NT5C3B: variants seen among roughly 807,000 people sequenced by gnomAD.
NT5C3B encodes the protein 5'-nucleotidase, cytosolic IIIB.
In NT5C3B, 28 loss-of-function variants were observed where a neutral mutation model predicts 32.5. The ratio of observed to expected loss-of-function variants is 0.86; its 90% CI spans 0.64 to 1.18. NT5C3B has a LOEUF of 1.18. NT5C3B is among the 50% of genes most tolerant of loss of function. The pLI, the probability that NT5C3B is intolerant of heterozygous loss-of-function variation, is 0.00. For synonymous variants in NT5C3B, 138 were observed against 118.0 expected (o/e 1.17, Z -1.10); for missense variants, 317 against 322.0 (o/e 0.98, Z 0.12).
intron 2 of NT5C3B, 113 bp from the exon 3 acceptor site, chr17:41,835,385 G>T: frequency 1.1e-6 from 1 of 875,472 alleles, no homozygotes. Flanking sequence ...CCAGGATGTA[G>T]GCAAAGCCCT....
At chr17:41,835,596 CGCTG>C (rs148849516) in intron 2 of NT5C3B, 68,462 of 644,354 alleles carry the variant, frequency 0.11, 4,099 homozygotes, top group Non-Finnish European at 0.12. Context: ...ACTGGGGAGC[CGCTG>C]GCTTGGGGAG....
chr17:41,830,001 T>A (rs1017404725), intron 6 of NT5C3B, among the ~76,000 whole-genome samples: 1 of 152,044 alleles, frequency 6.6e-6, no homozygotes. Context: ...AGCTAGCCAA[T>A]CTCCCCAATT....
intron 8 of NT5C3B, among the ~76,000 whole-genome samples, chr17:41,826,446 C>T (rs1250254143): frequency 6.6e-6 from 1 of 152,100 alleles, no homozygotes; most frequent in African/African-American, 2.4e-5. Context: ...TGGTCTTAAA[C>T]TCCTGGCCTC....
chr17:41,829,824 C>A (rs2048023062), intron 6 of NT5C3B, among the ~76,000 whole-genome samples: 1 of 152,136 alleles, frequency 6.6e-6, no homozygotes, highest in Admixed American at 6.6e-5. Context: ...CCTCATTCCT[C>A]TGGGGTACAT....
Position 41,835,499 on chromosome 17 carries a change from A to C in NT5C3B, c.112-227T>G. 6.0e-6 allele frequency: 4 copies of C among 663,174 alleles called. No individual in the cohort carries two copies. The South Asian group carries it at 6.5e-5, about 11-fold the overall frequency. The allele number at this position is 663,174 out of a possible 1,614,324, so 41.1% of individuals were successfully genotyped here. On this transcript the variant is annotated intron_variant, in intron 2 of 8. Transcript: ENST00000435506. ...GTCTCCTAGTGTGGGGGCAAGGGTG[A>C]ATACTCAGGACCCCTCTGACTCCTT... is the stretch of plus-strand genomic sequence containing the variant.
rs377668633 is a variant in NT5C3B at position 41,835,252 on chromosome 17, C to A, written c.132G>T (p.Met44Ile). 2.5e-6 allele frequency: 4 copies of A among 1,614,080 alleles called. No homozygotes were observed. Among genetic ancestry groups the A allele is most frequent in the Non-Finnish European group, 3.4e-6 (4 of 1,179,990 alleles). Residue 44 changes from methionine (M) to isoleucine (I), a missense_variant, in exon 3 of 9, where the codon ATG becomes ATT. By Grantham distance (10) the Met-to-Ile change is conservative (BLOSUM62 1). Coordinates refer to ENST00000435506, the MANE Select transcript of NT5C3B (RefSeq NM_052935.5). ...DRLQVISDFDMTLSRFAYNGK... is the reference protein window; with the variant it reads ...DRLQVISDFDITLSRFAYNGK... ...CATTATATGCAAACCTGCTCAAGGT[C>A]ATGTCAAAATCAGAAATCACCTATA...
rs566871682 is a variant in NT5C3B at position 41,825,405 on chromosome 17, C to T, written c.*118G>A. 40 of 692,622 alleles carry T rather than the reference C, an allele frequency of 5.8e-5. No homozygotes were observed. The highest frequency in any genetic ancestry group is 4.1e-4 in the Middle Eastern group (1 of 2,456). 42.9% of individuals were successfully genotyped at this position (692,622 alleles called of 1,614,324 possible). ...TCAGGGAAAGGAGGACGGAGGGGCGCGGAAGGACCCAGCCACTGCTGGCCA... is the reference window on the plus strand; with the variant it reads ...TCAGGGAAAGGAGGACGGAGGGGCGTGGAAGGACCCAGCCACTGCTGGCCA... On this transcript the variant is annotated 3_prime_UTR_variant, in exon 9 of 9. Coordinates refer to ENST00000435506, the MANE Select transcript of NT5C3B (RefSeq NM_052935.5).
At chr17:41,826,646 C>A (rs1249097560) in intron 8 of NT5C3B, among the ~76,000 whole-genome samples, 1 of 151,590 alleles carries the variant, frequency 6.6e-6, no homozygotes, top group Non-Finnish European at 1.5e-5. Flanking sequence ...CACTGCACTC[C>A]ACTAGGGGAC....
At chr17:41,835,364 C>T (rs2048130190) in intron 2 of NT5C3B, 92 bp from the exon 3 acceptor site, 2 of 1,082,066 alleles carry the variant, frequency 1.8e-6, no homozygotes, top group Admixed American at 3.5e-5. Context: ...GAAATCAATA[C>T]AGCTCAGTGG....
At chr17:41,827,745 T>C in intron 7 of NT5C3B, 119 bp from the exon 8 acceptor site, 1 of 654,888 alleles carries the variant, frequency 1.5e-6, no homozygotes, top group South Asian at 1.8e-5. Flanking sequence ...ATGCCAAAAC[T>C]TCACTGTAGC....
At chr17:41,829,308 C>A (rs570544577) in intron 6 of NT5C3B, among the ~76,000 whole-genome samples, 4 of 152,116 alleles carry the variant, frequency 2.6e-5, no homozygotes, top group Admixed American at 1.3e-4. Context: ...AGGCATGAGG[C>A]GAGATCGCGC....
In NT5C3B at chr17:41,825,349, G is replaced by T; in HGVS notation, c.*174C>A. ...GTGCCTGTGCCCTGCCACATGGCGGGGTTCCTTCAAGCCTCTGGTGATGAA... is the reference window on the plus strand; with the variant it reads ...GTGCCTGTGCCCTGCCACATGGCGGTGTTCCTTCAAGCCTCTGGTGATGAA... On this transcript the variant is annotated 3_prime_UTR_variant, in exon 9 of 9. Transcript: ENST00000435506. 1 of 588,308 alleles carries T rather than the reference G, an allele frequency of 1.7e-6. No individual in the cohort carries two copies. The highest frequency in any genetic ancestry group is 3.0e-6 in the Non-Finnish European group (1 of 333,048). 36.4% of individuals were successfully genotyped at this position (588,308 alleles called of 1,614,324 possible). A position where few individuals can be genotyped will look rare whatever the true frequency, so the allele number is the denominator to read the frequency against.
chr17:41,825,410 G>A lies in NT5C3B; in HGVS notation c.*113C>T, dbSNP rs1166636533. ...GAAAGGAGGACGGAGGGGCGCGGAA[G>A]GACCCAGCCACTGCTGGCCACCCTG... On this transcript the variant is annotated 3_prime_UTR_variant, in exon 9 of 9. Transcript: ENST00000435506. 1 of 701,324 alleles carries A rather than the reference G, an allele frequency of 1.4e-6. No homozygotes were observed. The highest frequency in any genetic ancestry group is 2.7e-5 in the Admixed American group (1 of 36,448). The allele number at this position is 701,324 out of a possible 1,614,324, so 43.4% of individuals were successfully genotyped here.
chr17:41,827,600 C>A lies in NT5C3B; in HGVS notation c.594G>T (p.Gln198His), dbSNP rs782799514. ...TGTTCTTGTTGTATGTGTGTATGAGCTGGCCCTTAAATCCCTGGAGAAAAC... is the reference window on the plus strand; with the variant it reads ...TGTTCTTGTTGTATGTGTGTATGAGATGGCCCTTAAATCCCTGGAGAAAAC... ...EDGFLQGFKG[Q>H]LIHTYNKNSS... is the part of the protein sequence containing the mutation. The change falls in exon 8 of 9, where the codon CAG (glutamine) becomes CAT (histidine). Residue 198 changes from glutamine (Q) to histidine (H), a missense_variant. Physicochemically the swap from Gln to His is conservative, Grantham distance 24. Transcript: ENST00000435506. 5.8e-6 allele frequency: 5 copies of A among 863,106 alleles called. No individual in the cohort carries two copies. In the African/African-American group the frequency reaches 6.5e-5, roughly 11 times the overall value. The allele number at this position is 863,106 out of a possible 1,614,324, so 53.5% of individuals were successfully genotyped here. A position where few individuals can be genotyped will look rare whatever the true frequency, so the allele number is the denominator to read the frequency against.
rs1373469466 is a variant in NT5C3B at position 41,829,055 on chromosome 17, T to G, written c.405-103A>C. 5.0e-6 allele frequency: 5 copies of G among 1,005,644 alleles called. No homozygotes were observed. The African/African-American group carries it at 8.1e-5, about 16-fold the overall frequency. 62.3% of individuals were successfully genotyped at this position (1,005,644 alleles called of 1,614,324 possible). A position where few individuals can be genotyped will look rare whatever the true frequency, so the allele number is the denominator to read the frequency against. On this transcript the variant is annotated intron_variant, in intron 6 of 8. Coordinates refer to ENST00000435506, the MANE Select transcript of NT5C3B (RefSeq NM_052935.5). ...GGTTTTTTGTGAGACAGGGTCTTGC[T>G]CTGTTGCCCAGGCTGGAGGGCAGTG...
At chr17:41,835,548 A>ATC in intron 2 of NT5C3B, 2 of 691,896 alleles carry the variant, frequency 2.9e-6, no homozygotes, top group Middle Eastern at 2.3e-4. Flanking sequence ...CTCCTAAGAG[A>ATC]TCTCTACCAT....
rs2047945637 is a variant in NT5C3B at position 41,825,517 on chromosome 17, G to A, written c.*6C>T. 1 of 871,556 alleles carries A rather than the reference G, an allele frequency of 1.1e-6. No homozygotes were observed. The highest frequency in any genetic ancestry group is 1.6e-5 in the African/African-American group (1 of 61,326). The allele number at this position is 871,556 out of a possible 1,614,324, so 54.0% of individuals were successfully genotyped here. On this transcript the variant is annotated 3_prime_UTR_variant, in exon 9 of 9. Transcript: ENST00000435506. ...CGGCCTGCAGGCCGGGCTGGAGCCT[G>A]CGCCTTCAGGGGCCTTGCATCTCCA...
Position 41,835,256 on chromosome 17 carries a change from T to G in NT5C3B, c.128A>C (p.Asp43Ala). 4 of 1,614,106 alleles carry G rather than the reference T, an allele frequency of 2.5e-6. No individual in the cohort carries two copies. Among genetic ancestry groups the G allele is most frequent in the Non-Finnish European group, 3.4e-6 (4 of 1,179,982 alleles). Residue 43 changes from aspartate to alanine, a missense_variant, in exon 3 of 9, where the codon GAC becomes GCC. Transcript: ENST00000435506. Reference protein sequence around the residue: ...GDRLQVISDFDMTLSRFAYNG... With the variant: ...GDRLQVISDFAMTLSRFAYNG... ...ATATGCAAACCTGCTCAAGGTCATG[T>G]CAAAATCAGAAATCACCTATAAGGC...
chr17:41,832,423 C>T lies in NT5C3B; in HGVS notation c.283G>A (p.Val95Ile), dbSNP rs782548477. ...ACCATATGAGGTAGCTTCTCCTTGA[C>T]GGTCCGGTGTGGGTCGATCTCAATT... is the stretch of plus-strand genomic sequence containing the variant. ...YPIEIDPHRT[V>I]KEKLPHMVEW... is the part of the protein sequence containing the mutation. Residue 95 changes from valine (V) to isoleucine (I), a missense_variant, in exon 5 of 9, where the codon GTC becomes ATC. Transcript: ENST00000435506. 6.8e-6 allele frequency: 11 copies of T among 1,613,588 alleles called. No homozygotes were observed. Among genetic ancestry groups the T allele is most frequent in the East Asian group, 2.2e-5 (1 of 44,874 alleles).
Sources: gnomAD v4.1 joint callset for allele counts (sites outside exome capture counted in the v4.1 genomes callset) on GRCh38, gnomAD v4.1.1 for gene constraint, MANE v1.5 for transcripts, NCBI Gene and HGNC (gene_info 2026-07-23, HGNC 2026-07-21) for gene names.